Variants in CLTA observed in about 807,000 individuals in gnomAD.
CLTA encodes the protein clathrin, light polypeptide (Lca).
A neutral mutation model predicts 26.9 loss-of-function variants in CLTA; 9 were observed. The observed-to-expected ratio is 0.33, with a 90% CI of 0.20 to 0.58. CLTA has a LOEUF of 0.58. Ranked by LOEUF, CLTA falls within the 20% of genes least tolerant of loss-of-function variation. The pLI is 0.85. For synonymous variants in CLTA, 120 were observed against 115.5 expected, an observed-to-expected ratio of 1.04 and a Z score of -0.25; for missense variants, 278 against 294.2, an observed-to-expected ratio of 0.94 and a Z score of 0.40.
chr9:36,200,379 ACAT>A (rs1827336578), intron 3 of CLTA, among the ~76,000 whole-genome samples: 1 of 152,222 alleles, frequency 6.6e-6, no homozygotes, highest in Non-Finnish European at 1.5e-5. Context: ...TAAGATAAAG[ACAT>A]CATATACTTT....
At chr9:36,206,770 C>G (rs1405469805) in intron 4 of CLTA, among the ~76,000 whole-genome samples, 1 of 152,010 alleles carries the variant, frequency 6.6e-6, no homozygotes, top group African/African-American at 2.4e-5. Flanking sequence ...TGGTGTGTGC[C>G]TGTAATCCCA....
chr9:36,202,351 A>G (rs1375740561), intron 3 of CLTA, among the ~76,000 whole-genome samples: 3 of 152,198 alleles, frequency 2.0e-5, no homozygotes, highest in Non-Finnish European at 4.4e-5. Flanking sequence ...AAAATGCCCA[A>G]GAATACTTCA....
intron 3 of CLTA, among the ~76,000 whole-genome samples, chr9:36,199,901 G>A (rs1017877733): frequency 2.6e-5 from 4 of 152,182 alleles, no homozygotes; most frequent in African/African-American, 9.7e-5. Flanking sequence ...GTGGAGGAGA[G>A]GTAGAATAAG....
rs1197355238 is a variant in CLTA at position 36,211,675 on chromosome 9, G to A, written c.558G>A (p.Arg186=). The A allele has an allele frequency of 6.2e-7, 1 of 1,614,130 alleles. No homozygotes were observed. Among genetic ancestry groups the A allele is most frequent in the Admixed American group, 1.7e-5 (1 of 60,020 alleles). The change falls in exon 5 of 5, where the codon CGG becomes CGA. Residue 186 remains arginine (R), a synonymous_variant. Transcript: ENST00000345519. ...GCACTGAGTGGGAACGGGTGGCCCGGCTGTGTGACTTTAACCCCAAGTCTA... is the reference window on the plus strand; with the variant it reads ...GCACTGAGTGGGAACGGGTGGCCCGACTGTGTGACTTTAACCCCAAGTCTA... ...SPGTEWERVA[R]LCDFNPKSSK... is the part of the protein sequence containing the mutation.
intron 1 of CLTA, among the ~76,000 whole-genome samples, chr9:36,193,332 TA>T (rs971763529): frequency 1.3e-5 from 2 of 149,124 alleles, no homozygotes; most frequent in Non-Finnish European, 3.0e-5. Flanking sequence ...TTTTTTTTTT[TA>T]AAGATATGCT....
intron 4 of CLTA, among the ~76,000 whole-genome samples, chr9:36,207,403 A>C (rs979421238): frequency 6.6e-6 from 1 of 152,252 alleles, no homozygotes; most frequent in Admixed American, 6.5e-5. Flanking sequence ...AGCTCTTTCA[A>C]GGCTTGAGAA....
chr9:36,198,920 A>G (rs1827233689), intron 2 of CLTA, 59 bp from the exon 3 acceptor site: 41 of 1,135,602 alleles, frequency 3.6e-5, no homozygotes, highest in Non-Finnish European at 5.3e-5. Context: ...ACTCAGGTGA[A>G]GTGCATTTTA....
intron 3 of CLTA, among the ~76,000 whole-genome samples, chr9:36,199,607 C>T (rs1054154021): frequency 9.3e-5 from 13 of 139,354 alleles, no homozygotes; most frequent in African/African-American, 3.5e-4. Flanking sequence ...CCCGCCACTA[C>T]GTCCCGCTCA....
At chr9:36,210,755 T>C in intron 4 of CLTA, 2 of 1,448,664 alleles carry the variant, frequency 1.4e-6, no homozygotes, top group Non-Finnish European at 1.9e-6. Flanking sequence ...GCCACGGCCA[T>C]CCCTGTGATA....
At chr9:36,199,354 GTAGCC>G (rs1375396712) in intron 3 of CLTA, among the ~76,000 whole-genome samples, 3 of 152,142 alleles carry the variant, frequency 2.0e-5, no homozygotes, top group Non-Finnish European at 4.4e-5. Context: ...GACCTCAAGA[GTAGCC>G]TCAGGTGGTG....
intron 4 of CLTA, 123 bp from the exon 5 acceptor site, chr9:36,211,480 C>T: frequency 7.3e-7 from 1 of 1,362,806 alleles, no homozygotes; most frequent in East Asian, 2.3e-5. Context: ...GGGCTGTTAT[C>T]TTGGGAAAGC....
rs1828043373 is a variant in CLTA at position 36,211,595 on chromosome 9, GC to G, written c.486-7del. ...GCATAAACCAACATATTTTGTTGTT[GC>G]TTCCAGGGCAGCAGAAGAAGCCTTT... On this transcript the variant is annotated splice_polypyrimidine_tract_variant and splice_region_variant and intron_variant, in intron 4 of 4. Transcript: ENST00000345519. 1 of 1,604,004 alleles carries G rather than the reference GC, an allele frequency of 6.2e-7. No individual in the cohort carries two copies.
chr9:36,200,600 T>C lies in CLTA; in HGVS notation c.373+1504T>C, dbSNP rs1277300080. Among the ~76,000 whole-genome samples, 7 of 152,242 alleles carry C rather than the reference T, an allele frequency of 4.6e-5. No homozygotes were observed. In the South Asian group the frequency reaches 1.4e-3, roughly 31 times the overall value. ...ATTAGTGCCAAATCATTTATCTCTC[T>C]AGTCCAATTTAGGTGGCTTTCAGAA... On this transcript the variant is annotated intron_variant, in intron 3 of 4. Coordinates refer to ENST00000345519, the MANE Select transcript of CLTA (RefSeq NM_001833.4).
rs1258578177 is a variant in CLTA, at chr9:36,195,002, A to G, written c.218-2549A>G. 2.0e-5 allele frequency among the ~76,000 whole-genome samples: 3 copies of G among 152,346 alleles called. No homozygotes were observed. The East Asian group carries it at 5.8e-4, about 29-fold the overall frequency. On this transcript the variant is annotated intron_variant, in intron 1 of 4. Coordinates refer to ENST00000345519, the MANE Select transcript of CLTA (RefSeq NM_001833.4). ...TTGTTTTGTATATGGAGTAGTGATC[A>G]AAGTCTCTCATATTCCAGCCCAGGG... is the stretch of plus-strand genomic sequence containing the variant.
rs555479167 is a variant in CLTA at position 36,208,287 on chromosome 9, C to T, written c.486-3316C>T. ...TCCAGGACAACAGAGTCAAAGCCAG[C>T]CTGGCCCCTGCTGTCAAAATTTATC... is the stretch of plus-strand genomic sequence containing the variant. On this transcript the variant is annotated intron_variant, in intron 4 of 4. Transcript: ENST00000345519. Among the ~76,000 whole-genome samples the T allele has an allele frequency of 1.4e-3, 211 of 152,274 alleles. 1 individual carries two copies. The South Asian group carries it at 0.017, about 13-fold the overall frequency.
chr9:36,200,037 C>G (rs915206624), intron 3 of CLTA, among the ~76,000 whole-genome samples: 3 of 152,204 alleles, frequency 2.0e-5, no homozygotes, highest in Non-Finnish European at 4.4e-5. Flanking sequence ...GCGTGGCCAT[C>G]TAGCCACACA....
At chr9:36,192,172 A>G (rs978340690) in intron 1 of CLTA, among the ~76,000 whole-genome samples, 1 of 152,030 alleles carries the variant, frequency 6.6e-6, no homozygotes, top group Non-Finnish European at 1.5e-5. Flanking sequence ...TTCACTTAAA[A>G]AATTCCAACT....
upstream of CLTA, chr9:36,190,917 G>A (rs954763410): frequency 7.2e-7 from 1 of 1,382,946 alleles, no homozygotes; most frequent in Non-Finnish European, 9.4e-7. Context: ...CACGGGTAGG[G>A]CTTCCGCTTT....
At chr9:36,195,977 A>G (rs1415915323) in intron 1 of CLTA, among the ~76,000 whole-genome samples, 3 of 150,838 alleles carry the variant, frequency 2.0e-5, no homozygotes, top group Middle Eastern at 7.3e-3. Context: ...CAAAAAAAAT[A>G]AAAAAATACA....
Sources: allele counts gnomAD v4.1 joint callset (sites outside exome capture counted in the v4.1 genomes callset), GRCh38; gene constraint gnomAD v4.1.1; transcripts MANE v1.5; gene names NCBI Gene and HGNC (gene_info 2026-07-23, HGNC 2026-07-21).